Variants in PWWP3A observed in about 807,000 individuals in gnomAD.
PWWP3A encodes the protein PWWP domain containing 3A, DNA repair factor, also known as PWWP domain-containing DNA repair factor 3A.
In PWWP3A, 53 loss-of-function variants were observed where a neutral mutation model predicts 79.0. That is an observed-to-expected ratio of 0.67 (90% CI 0.54 to 0.84). The LOEUF (loss-of-function observed/expected upper bound fraction) is 0.84, where lower values mean the gene tolerates loss of function less well. Ranked by LOEUF, PWWP3A falls within the 40% of genes least tolerant of loss-of-function variation. PWWP3A has a pLI of 0.00. For missense variants in PWWP3A, 973 were observed against 948.0 expected, an observed-to-expected ratio of 1.03 and a Z score of -0.35; for synonymous variants, 443 against 394.4, an observed-to-expected ratio of 1.12 and a Z score of -1.46.
At chr19:1,362,966 C>A (rs958376434) in intron 6 of PWWP3A, among the ~76,000 whole-genome samples, 4 of 152,266 alleles carry the variant, frequency 2.6e-5, no homozygotes, top group African/African-American at 9.6e-5. Flanking sequence ...TGAGACTCGC[C>A]CGTGAACCAT....
Position 1,373,107 on chromosome 19 carries a change from G to A in PWWP3A, c.2022G>A (p.Val674=). ...IICAISAVDE[V]DYKTAEEKYI... ...GTGCGATCTCTGCGGTGGACGAGGT[G>A]GACTACAAGACGGCTGAGGAGAAGT... The change falls in exon 13 of 14, where the codon GTG becomes GTA. Residue 674 remains valine, a synonymous_variant. Coordinates refer to ENST00000591337, the MANE Select transcript of PWWP3A (RefSeq NM_001369789.1). The A allele has an allele frequency of 6.2e-7, 1 of 1,614,244 alleles. No individual in the cohort carries two copies. Among genetic ancestry groups the A allele is most frequent in the Non-Finnish European group, 8.5e-7 (1 of 1,180,042 alleles).
At chr19:1,356,477 G>C (rs761529559) in intron 2 of PWWP3A, 28 bp downstream of exon 2, 4 of 1,610,654 alleles carry the variant, frequency 2.5e-6, no homozygotes, top group Admixed American at 1.7e-5. Flanking sequence ...GTAACTTCAG[G>C]ACTTAGAAAT....
At position 1,376,861 on chromosome 19, in the gene PWWP3A, C is replaced by T. The variant is rs1453328915; in HGVS notation, c.*285C>T. 3.2e-6 allele frequency: 1 copy of T among 312,610 alleles called. No individual in the cohort carries two copies. Among genetic ancestry groups the T allele is most frequent in the East Asian group, 5.5e-5 (1 of 18,056 alleles). The allele number at this position is 312,610 out of a possible 1,614,324, so 19.4% of individuals were successfully genotyped here. On this transcript the variant is annotated 3_prime_UTR_variant, in exon 14 of 14. Transcript: ENST00000591337. ...AAAGGACGGAAGCGTATTCACTGTG[C>T]GCCAGTACTCCTGGCTGTGCTGTGG...
intron 4 of PWWP3A, chr19:1,359,021 C>T (rs2081950689): frequency 3.3e-6 from 1 of 299,080 alleles, no homozygotes; most frequent in African/African-American, 2.2e-5. Context: ...TCCCATCCAT[C>T]CGGGTGCGCT....
At position 1,357,100 on chromosome 19, in the gene PWWP3A, G is replaced by A; in HGVS notation, c.143+6G>A. On this transcript the variant is annotated splice_donor_region_variant and intron_variant, in intron 3 of 13. Coordinates refer to ENST00000591337, the MANE Select transcript of PWWP3A (RefSeq NM_001369789.1). ...ATCCTCTCTCTAGAGGAAAAGTTAAGTGTTGTGTTGTTTTAATACTGTTTT... is the reference window on the plus strand; with the variant it reads ...ATCCTCTCTCTAGAGGAAAAGTTAAATGTTGTGTTGTTTTAATACTGTTTT... The A allele has an allele frequency of 1.3e-6, 2 of 1,596,638 alleles. No homozygotes were observed. The highest frequency in any genetic ancestry group is 2.2e-5 in the South Asian group (2 of 89,044).
intron 12 of PWWP3A, 146 bp from the exon 13 acceptor site, chr19:1,372,926 A>G (rs2082292586): frequency 1.6e-6 from 1 of 621,000 alleles, no homozygotes; most frequent in Admixed American, 2.9e-5. Context: ...TTCATGGACT[A>G]GGTTTGCACC....
At position 1,369,151 on chromosome 19, in the gene PWWP3A, C is replaced by G. The variant is rs2082196191; in HGVS notation, c.1423-114C>G. On this transcript the variant is annotated intron_variant, in intron 9 of 13. Transcript: ENST00000591337. The surrounding 1 kb of genome is among the most constrained non-coding windows in gnomAD (Gnocchi z 4.0). ...TGTCAGGGAGGGTCAGAGGTGCGGGCTGGAGCGTGAGCAGCCTGGACACCT... is the reference window on the plus strand; with the variant it reads ...TGTCAGGGAGGGTCAGAGGTGCGGGGTGGAGCGTGAGCAGCCTGGACACCT... The G allele has an allele frequency of 1.1e-6, 1 of 897,686 alleles. No individual in the cohort carries two copies. Among genetic ancestry groups the G allele is most frequent in the African/African-American group, 1.6e-5 (1 of 60,692 alleles). 55.6% of individuals were successfully genotyped at this position (897,686 alleles called of 1,614,324 possible).
At chr19:1,372,806 T>C (rs993885005) in intron 12 of PWWP3A, 3 of 395,696 alleles carry the variant, frequency 7.6e-6, no homozygotes, top group African/African-American at 6.2e-5. Flanking sequence ...AGAAATGCTC[T>C]TGTGGGTTTG....
chr19:1,356,536 G>T (rs1200014308), intron 2 of PWWP3A, 87 bp downstream of exon 2: 13 of 1,326,342 alleles, frequency 9.8e-6, no homozygotes, highest in Non-Finnish European at 1.3e-5. Flanking sequence ...CCTAGGATTT[G>T]CTTCAGTGAA....
At chr19:1,364,861 G>A (rs1322439964) in intron 7 of PWWP3A, among the ~76,000 whole-genome samples, 5 of 152,218 alleles carry the variant, frequency 3.3e-5, no homozygotes, top group African/African-American at 1.2e-4. Flanking sequence ...GTTCATGCCT[G>A]TAATCCCAGC....
rs865945506 is a variant in PWWP3A at position 1,370,786 on chromosome 19, G to A, written c.1694G>A (p.Arg565Gln). The stretch of plus-strand genomic sequence containing the variant: ...CGGAAAATGCTCCCCGACCGCTCGC[G>A]GGCCGCCCGGGACCGGGCCAACCAG... ...PCRKMLPDRS[R>Q]AARDRANQKL... The change falls in exon 12 of 14, where the codon CGG (arginine) becomes CAG (glutamine). Residue 565 changes from arginine to glutamine, a missense_variant. Transcript: ENST00000591337. 1 of 1,546,906 alleles carries A rather than the reference G, an allele frequency of 6.5e-7. No individual in the cohort carries two copies. Among genetic ancestry groups the A allele is most frequent in the South Asian group, 1.2e-5 (1 of 83,600 alleles).
intron 6 of PWWP3A, among the ~76,000 whole-genome samples, chr19:1,362,812 G>C (rs1446195153): frequency 6.6e-6 from 1 of 152,228 alleles, no homozygotes; most frequent in Non-Finnish European, 1.5e-5. Flanking sequence ...CCTGTAAGTA[G>C]CTGCTTGCAC....
chr19:1,361,101 G>A (rs2082005705), intron 5 of PWWP3A, 69 bp downstream of exon 5: 1 of 1,344,156 alleles, frequency 7.4e-7, no homozygotes, highest in South Asian at 2.1e-5. Flanking sequence ...CAGACTGGGA[G>A]CCAGGCACGT....
intron 7 of PWWP3A, among the ~76,000 whole-genome samples, chr19:1,365,678 G>A (rs554213791): frequency 3.7e-4 from 56 of 152,222 alleles, no homozygotes; most frequent in Non-Finnish European, 5.9e-4. Flanking sequence ...TTCCTCTCCC[G>A]CACCTTGGTA....
chr19:1,355,891 A>G (rs2144682434), intron 1 of PWWP3A, among the ~76,000 whole-genome samples: 1 of 151,594 alleles, frequency 6.6e-6, no homozygotes, highest in East Asian at 2.0e-4. Flanking sequence ...TTTCAGGGAC[A>G]TGGCAGCCAA....
rs776854987 is a variant in PWWP3A, at chr19:1,373,148, C to T, written c.2063C>T (p.Ser688Leu). Residue 688 changes from serine to leucine, a missense_variant, in exon 13 of 14, where the codon TCG becomes TTG. Transcript: ENST00000591337. ...TAEEKYIKGP[S>L]LSYREKEIFD... ...GAGGAGAAGTACATCAAGGGGCCTT[C>T]GCTGAGCTACCGGTAGGCCGCTCCC... is the stretch of plus-strand genomic sequence containing the variant. 35 of 1,614,160 alleles carry T rather than the reference C, an allele frequency of 2.2e-5. No individual in the cohort carries two copies. The highest frequency in any genetic ancestry group is 4.5e-5 in the East Asian group (2 of 44,884).
rs1014845991 is a variant in PWWP3A at position 1,377,581 on chromosome 19, T to G, written c.*1005T>G. 1.3e-5 allele frequency: 2 copies of G among 152,294 alleles called. No homozygotes were observed. Among genetic ancestry groups the G allele is most frequent in the Admixed American group, 1.3e-4 (2 of 15,278 alleles). The allele number at this position is 152,294 out of a possible 1,614,324, so 9.4% of individuals were successfully genotyped here. A position where few individuals can be genotyped will look rare whatever the true frequency, so the allele number is the denominator to read the frequency against. On this transcript the variant is annotated 3_prime_UTR_variant, in exon 14 of 14. Transcript: ENST00000591337. The stretch of plus-strand genomic sequence containing the variant: ...ACAGCACGGTGCCGGGGCTGCAGGT[T>G]GTTGAGGGCTGTGACTCCGTGGGGC...
chr19:1,366,433 C>T (rs771438652), intron 8 of PWWP3A, 52 bp downstream of exon 8: 100 of 1,534,424 alleles, frequency 6.5e-5, no homozygotes, highest in African/African-American at 2.0e-4. Context: ...CCAGGCCGGC[C>T]GCTCTCAGAG....
rs1349101586 is a variant in PWWP3A at position 1,354,992 on chromosome 19, CGGCGGCGGCGGCGGCGGTGGCGGA to C, written c.-207_-184del. 2.0e-5 allele frequency: 3 copies of C among 149,344 alleles called. No individual in the cohort carries two copies. The highest frequency in any genetic ancestry group is 4.4e-5 in the Non-Finnish European group (3 of 67,538). 9.3% of individuals were successfully genotyped at this position (149,344 alleles called of 1,614,324 possible). A position where few individuals can be genotyped will look rare whatever the true frequency, so the allele number is the denominator to read the frequency against. ...CCCCCGGCCCCGCGGGGAGCGGCGG[CGGCGGCGGCGGCGGCGGTGGCGGA>C]GGCGGTGAGCGCGGGCGGCGCGGAC... is the stretch of plus-strand genomic sequence containing the variant. On this transcript the variant is annotated 5_prime_UTR_variant, in exon 1 of 14. Coordinates refer to ENST00000591337, the MANE Select transcript of PWWP3A (RefSeq NM_001369789.1).
Sources: allele counts gnomAD v4.1 joint callset (sites outside exome capture counted in the v4.1 genomes callset), GRCh38; gene constraint gnomAD v4.1.1; non-coding constraint Gnocchi (gnomAD v3.1); transcripts MANE v1.5; gene names NCBI Gene and HGNC (gene_info 2026-07-23, HGNC 2026-07-21).